ZNF138: variants seen among roughly 807,000 people sequenced by gnomAD.
ZNF138 encodes zinc finger protein 138.
A neutral mutation model predicts 33.0 loss-of-function variants in ZNF138; 33 were observed. The observed-to-expected ratio is 1.00, with a 90% CI of 0.76 to 1.34. ZNF138 has a LOEUF of 1.34. ZNF138 is among the 40% of genes most tolerant of loss of function. ZNF138 has a pLI of 0.00. For synonymous variants in ZNF138, 139 were observed against 120.4 expected (o/e 1.15, Z -1.01); for missense variants, 360 against 370.8 (o/e 0.97, Z 0.24).
At chr7:64,847,070 T>G in the ZNF138 span, among the ~76,000 whole-genome samples, 1 of 152,134 alleles carries the variant, frequency 6.6e-6, no homozygotes, top group South Asian at 2.1e-4. Context: ...ATTTATTGAC[T>G]CCACATGTTA....
chr7:64,838,626 T>A (rs530127538), downstream of ZNF138, among the ~76,000 whole-genome samples: 30 of 152,284 alleles, frequency 2.0e-4, no homozygotes, highest in African/African-American at 6.7e-4. Context: ...CCAGCTTTAC[T>A]AAGTCCTGGA....
Position 64,794,444 on chromosome 7 carries a change from TGCTGCAGGTC to T in ZNF138, c.-124_-115del. 2 of 1,247,678 alleles carry T rather than the reference TGCTGCAGGTC, an allele frequency of 1.6e-6. No individual in the cohort carries two copies. Among genetic ancestry groups the T allele is most frequent in the Non-Finnish European group, 2.2e-6 (2 of 920,438 alleles). 77.3% of individuals were successfully genotyped at this position (1,247,678 alleles called of 1,614,324 possible). ...GGGGTCTTTGTCTCGCTGCAGCGGG[TGCTGCAGGTC>T]TGGCCTTCACTTTTCTGCGTCCTCT... On this transcript the variant is annotated 5_prime_UTR_variant, in exon 1 of 4. Coordinates refer to ENST00000307355, the MANE Select transcript of ZNF138 (RefSeq NM_001271639.2).
At chr7:64,796,719 A>G (rs1006600968) in intron 1 of ZNF138, among the ~76,000 whole-genome samples, 2 of 152,202 alleles carry the variant, frequency 1.3e-5, no homozygotes, top group African/African-American at 4.8e-5. Flanking sequence ...GAATAGGGAA[A>G]ATACTTCTTC....
In ZNF138 at chr7:64,832,827, A is replaced by T; in HGVS notation, c.*625A>T. On this transcript the variant is annotated 3_prime_UTR_variant, in exon 4 of 4. Transcript: ENST00000307355. ...ACACAAGAAGATTCATACTAGAGAG[A>T]AACCCTACAAATGTGAAGAATGTGG... 4.5e-6 allele frequency: 2 copies of T among 449,236 alleles called. No homozygotes were observed. The highest frequency in any genetic ancestry group is 9.0e-6 in the Non-Finnish European group (2 of 222,484). 27.8% of individuals were successfully genotyped at this position (449,236 alleles called of 1,614,324 possible).
chr7:64,801,010 C>G (rs902739987), intron 1 of ZNF138, among the ~76,000 whole-genome samples: 1 of 151,934 alleles, frequency 6.6e-6, no homozygotes, highest in Non-Finnish European at 1.5e-5. Context: ...TTGTATTTTT[C>G]TGGGGTCAGT....
At chr7:64,830,825 G>A in intron 3 of ZNF138, 1 of 1,212,672 alleles carries the variant, frequency 8.2e-7, no homozygotes, top group Non-Finnish European at 1.1e-6. Flanking sequence ...GAGTCTTTCA[G>A]ACATGTTCTT....
At chr7:64,843,290 C>G in the ZNF138 span, among the ~76,000 whole-genome samples, 2 of 152,122 alleles carry the variant, frequency 1.3e-5, no homozygotes, top group African/African-American at 4.8e-5. Flanking sequence ...CATGTTTCTT[C>G]ATTCTGATTT....
rs767846882 is a variant in ZNF138 at position 64,814,907 on chromosome 7, G to C, written c.4-11G>C. The C allele has an allele frequency of 4.3e-6, 7 of 1,611,928 alleles. No individual in the cohort carries two copies. Among genetic ancestry groups the C allele is most frequent in the Non-Finnish European group, 5.9e-6 (7 of 1,178,756 alleles). On this transcript the variant is annotated splice_polypyrimidine_tract_variant and intron_variant, in intron 1 of 3. Coordinates refer to ENST00000307355, the MANE Select transcript of ZNF138 (RefSeq NM_001271639.2). ...AATGTGTGTGTGTGTTTGTGTGTGC[G>C]TGTTTTTCAGGGACCACTGACATTT... is the stretch of plus-strand genomic sequence containing the variant.
At chr7:64,850,752 A>G in the ZNF138 span, among the ~76,000 whole-genome samples, 1 of 152,194 alleles carries the variant, frequency 6.6e-6, no homozygotes, top group African/African-American at 2.4e-5. Context: ...AAAGCAGTTA[A>G]TACAAATAAA....
the ZNF138 span, chr7:64,853,311 T>G: frequency 0.05 from 80,109 of 1,609,664 alleles, 2,460 homozygotes; most frequent in East Asian, 0.15. Context: ...GAAGCTTTTG[T>G]CCAATTCGTA....
downstream of ZNF138, chr7:64,836,946 C>T (rs1238503817): frequency 6.6e-6 from 1 of 152,146 alleles, no homozygotes; most frequent in African/African-American, 2.4e-5. Context: ...GGGGGCTTGT[C>T]AAAGCGAACT....
At chr7:64,802,180 C>T (rs1787186950) in intron 1 of ZNF138, among the ~76,000 whole-genome samples, 1 of 152,032 alleles carries the variant, frequency 6.6e-6, no homozygotes, top group South Asian at 2.1e-4. Context: ...CAAATTTACA[C>T]ATTTTCCGGT....
chr7:64,831,343 T>C (rs1412787575), intron 3 of ZNF138, 108 bp from the exon 4 acceptor site: 15 of 1,069,616 alleles, frequency 1.4e-5, no homozygotes, highest in Non-Finnish European at 1.9e-5. Flanking sequence ...GGTATTTTGC[T>C]ATGCCATCTT....
At chr7:64,854,353 G>A in the ZNF138 span, among the ~76,000 whole-genome samples, 1 of 152,132 alleles carries the variant, frequency 6.6e-6, no homozygotes, top group East Asian at 1.9e-4. Context: ...TGATTGTCCT[G>A]CCTCAGCCTG....
chr7:64,816,481 A>G (rs1053228922), intron 3 of ZNF138, among the ~76,000 whole-genome samples: 2 of 151,758 alleles, frequency 1.3e-5, no homozygotes, highest in Admixed American at 6.6e-5. Flanking sequence ...TCTCTATTTT[A>G]TCAGATAATT....
rs113171719 is a variant in ZNF138, at chr7:64,824,035, T to G, written c.209-7416T>G. Among the ~76,000 whole-genome samples, 372 of 152,318 alleles carry G rather than the reference T, an allele frequency of 2.4e-3. 3 individuals are homozygous for G. Among genetic ancestry groups the G allele is most frequent in the African/African-American group, 8.5e-3 (352 of 41,580 alleles). ...TATTCTGTATTCTCTTGCTTTTGAC[T>G]GGAAAGTTTGCACATAACTGTTAAG... is the stretch of plus-strand genomic sequence containing the variant. On this transcript the variant is annotated intron_variant, in intron 3 of 3. Transcript: ENST00000307355.
At chr7:64,818,552 C>T (rs1788861704) in intron 3 of ZNF138, among the ~76,000 whole-genome samples, 1 of 151,900 alleles carries the variant, frequency 6.6e-6, no homozygotes, top group Admixed American at 6.6e-5. Flanking sequence ...GAGTTCGAGA[C>T]CAGCCTGGCC....
intron 3 of ZNF138, among the ~76,000 whole-genome samples, chr7:64,826,199 G>A (rs1434808414): frequency 2.0e-5 from 3 of 151,920 alleles, no homozygotes; most frequent in East Asian, 3.9e-4. Flanking sequence ...TGTTTTATGT[G>A]TTTCCTGTAG....
the ZNF138 span, among the ~76,000 whole-genome samples, chr7:64,839,991 G>A: frequency 2.0e-5 from 3 of 152,180 alleles, no homozygotes; most frequent in Admixed American, 6.5e-5. Flanking sequence ...AGGAGTGGGC[G>A]GGGTAGGGGC....
Sources: gnomAD v4.1 joint callset for allele counts (sites outside exome capture counted in the v4.1 genomes callset) on GRCh38, gnomAD v4.1.1 for gene constraint, MANE v1.5 for transcripts, NCBI Gene and HGNC (gene_info 2026-07-23, HGNC 2026-07-21) for gene names.